DHX57: variants seen among roughly 807,000 people sequenced by gnomAD.
DHX57 encodes the protein putative ATP-dependent RNA helicase DHX57.
In DHX57, 105 loss-of-function variants were observed where a neutral mutation model predicts 156.2. The observed-to-expected ratio is 0.67, with a 90% CI of 0.57 to 0.79. The LOEUF is 0.79. DHX57 is among the 30% of genes least tolerant of loss of function. The pLI is 0.00. For synonymous variants in DHX57, 704 were observed against 595.6 expected, an observed-to-expected ratio of 1.18 and a Z score of -2.65; for missense variants, 1,847 against 1,661.9, an observed-to-expected ratio of 1.11 and a Z score of -1.94.
intron 13 of DHX57, among the ~76,000 whole-genome samples, chr2:38,829,024 T>C (rs918040590): frequency 6.6e-6 from 1 of 152,086 alleles, no homozygotes; most frequent in South Asian, 2.1e-4. Flanking sequence ...CACTGCAGCC[T>C]CAACCTCCCC....
At chr2:38,811,750 G>A (rs1670261710) in intron 21 of DHX57, 3 of 521,012 alleles carry the variant, frequency 5.8e-6, no homozygotes, top group Non-Finnish European at 1.1e-5. Flanking sequence ...GCAGGCAACA[G>A]AGCAGGGCCC....
At chr2:38,803,143 T>C (rs990003443) in intron 22 of DHX57, 3 of 505,578 alleles carry the variant, frequency 5.9e-6, no homozygotes, top group Non-Finnish European at 1.0e-5. Context: ...AAAGCTTTTA[T>C]TTTTTAAATT....
At chr2:38,842,364 T>C (rs999625836) in intron 12 of DHX57, among the ~76,000 whole-genome samples, 1 of 152,092 alleles carries the variant, frequency 6.6e-6, no homozygotes, top group African/African-American at 2.4e-5. Flanking sequence ...ATCAGGAAAA[T>C]ACAGCAAAAA....
At chr2:38,830,114 C>T (rs2124830068) in intron 13 of DHX57, among the ~76,000 whole-genome samples, 1 of 152,216 alleles carries the variant, frequency 6.6e-6, no homozygotes. Context: ...ATGTGAAGTG[C>T]AATGGGATAT....
intron 2 of DHX57, 112 bp from the exon 3 acceptor site, chr2:38,863,631 C>G: frequency 3.2e-6 from 3 of 948,792 alleles, no homozygotes; most frequent in Non-Finnish European, 4.6e-6. Flanking sequence ...AAGTATCTTA[C>G]AAAAGATGAC....
intron 12 of DHX57, 107 bp from the exon 13 acceptor site, chr2:38,838,054 G>T: frequency 1.4e-6 from 1 of 730,634 alleles, no homozygotes; most frequent in South Asian, 1.7e-5. Flanking sequence ...GTGAGTGTTG[G>T]TTTAATAGCA....
At chr2:38,820,767 CTG>C (rs1670768712) in intron 17 of DHX57, among the ~76,000 whole-genome samples, 1 of 150,924 alleles carries the variant, frequency 6.6e-6, no homozygotes, top group African/African-American at 2.4e-5. Flanking sequence ...ACTGAAGAAA[CTG>C]AATACATCCA....
Position 38,863,400 on chromosome 2 carries a change from A to G in DHX57, c.344T>C (p.Leu115Pro), listed in dbSNP as rs1212624126. 1.9e-6 allele frequency: 3 copies of G among 1,613,784 alleles called. No individual in the cohort carries two copies. The change falls in exon 3 of 24, where the codon CTC becomes CCC. Residue 115 changes from leucine to proline, a missense_variant. Transcript: ENST00000457308. Reference sequence around the variant, plus strand: ...AGCATCTTGTTCTTGCAGGTCTCGGAGAAGAGCTTTCACTTTCTCTTGATT... The same window carrying G: ...AGCATCTTGTTCTTGCAGGTCTCGGGGAAGAGCTTTCACTTTCTCTTGATT... Reference protein sequence around the residue: ...SENQEKVKALLRDLQEQDADA... With the variant: ...SENQEKVKALPRDLQEQDADA...
chr2:38,822,962 A>C (rs771817085), intron 17 of DHX57, 31 bp downstream of exon 17: 20 of 1,605,640 alleles, frequency 1.2e-5, no homozygotes, highest in Non-Finnish European at 1.6e-5. Context: ...CCTCTTAGAG[A>C]CTCCAGTTTA....
intron 21 of DHX57, among the ~76,000 whole-genome samples, chr2:38,810,107 C>A (rs373849959): frequency 6.6e-6 from 1 of 151,562 alleles, no homozygotes; most frequent in Non-Finnish European, 1.5e-5. Flanking sequence ...GTTGGCCAGG[C>A]TGGTCTCAAA....
Position 38,829,468 on chromosome 2 carries a change from C to G in DHX57, c.2543-1032G>C, listed in dbSNP as rs1671271207. 2.6e-5 allele frequency among the ~76,000 whole-genome samples: 4 copies of G among 152,100 alleles called. No homozygotes were observed. The South Asian group carries it at 6.2e-4, about 24-fold the overall frequency. On this transcript the variant is annotated intron_variant, in intron 13 of 23. Transcript: ENST00000457308. ...TTGTAGTTTTAGTAGAGACAGGTTT[C>G]ACCATGTTGGTCAGGCTGGTCTCGA...
intron 13 of DHX57, among the ~76,000 whole-genome samples, chr2:38,831,843 T>TG (rs1267725259): frequency 4.8e-5 from 3 of 61,856 alleles, no homozygotes; most frequent in Non-Finnish European, 7.7e-5. Context: ...AGACTTCATC[T>TG]CAAAAAAAAA....
At chr2:38,827,519 TATATATATATATATACAC>T (rs1233580385) in intron 14 of DHX57, among the ~76,000 whole-genome samples, 1 of 15,086 alleles carries the variant, frequency 6.6e-5, no homozygotes, top group African/African-American at 7.4e-5. Flanking sequence ...TATATATATA[TATATATATATATATACAC>T]ACATACATAT....
intron 4 of DHX57, 72 bp downstream of exon 4, chr2:38,862,073 G>T: frequency 6.8e-6 from 10 of 1,472,366 alleles, no homozygotes; most frequent in Non-Finnish European, 9.1e-6. Flanking sequence ...ACACAAAGAG[G>T]GGTAGTGGGT....
At chr2:38,828,569 C>G in intron 13 of DHX57, 133 bp from the exon 14 acceptor site, 1 of 589,044 alleles carries the variant, frequency 1.7e-6, no homozygotes. Context: ...TGTTTTTAAC[C>G]AAAATATGCA....
Position 38,843,243 on chromosome 2 carries a change from TG to T in DHX57, c.2220-34del, listed in dbSNP as rs1426911316. 4 of 1,608,216 alleles carry T rather than the reference TG, an allele frequency of 2.5e-6. No individual in the cohort carries two copies. In the African/African-American group the frequency reaches 4.0e-5, roughly 16 times the overall value. ...AGACAAAGGAATGTGGTTGTGTGTA[TG>T]TGGTCCTGTTGGTGAGGAGGGAAAG... is the stretch of plus-strand genomic sequence containing the variant. On this transcript the variant is annotated intron_variant, in intron 11 of 23. Transcript: ENST00000457308.
intron 15 of DHX57, 102 bp downstream of exon 15, chr2:38,826,414 T>C (rs902124956): frequency 3.0e-6 from 4 of 1,355,430 alleles, no homozygotes; most frequent in South Asian, 2.8e-5. Flanking sequence ...TATTTTTTCA[T>C]ACAGTAATCC....
chr2:38,848,255 T>C lies in DHX57; in HGVS notation c.2164+14A>G. 1.9e-6 allele frequency: 3 copies of C among 1,569,950 alleles called. No homozygotes were observed. Among genetic ancestry groups the C allele is most frequent in the South Asian group, 2.4e-5 (2 of 83,468 alleles). The stretch of plus-strand genomic sequence containing the variant: ...TATTAGAATGATACATATTTAATGA[T>C]GCATTTTATTCACCTGGTATAGTAA... On this transcript the variant is annotated intron_variant, in intron 10 of 23. Transcript: ENST00000457308.
rs369532478 is a variant in DHX57, at chr2:38,847,000, T to G, written c.2219+19A>C. ...CATGCCAGGTCCTTTCACTGAATCT[T>G]AATTAATATCTTCCTTACCTTGTCA... On this transcript the variant is annotated intron_variant, in intron 11 of 23. Transcript: ENST00000457308. 24 of 1,604,830 alleles carry G rather than the reference T, an allele frequency of 1.5e-5. No individual in the cohort carries two copies. The highest frequency in any genetic ancestry group is 2.0e-5 in the Non-Finnish European group (24 of 1,172,370).
Sources: gnomAD v4.1 joint callset for allele counts (sites outside exome capture counted in the v4.1 genomes callset) on GRCh38, gnomAD v4.1.1 for gene constraint, MANE v1.5 for transcripts, NCBI Gene and HGNC (gene_info 2026-07-23, HGNC 2026-07-21) for gene names.